Variants in PGGT1B observed in about 807,000 individuals in gnomAD.
The protein encoded by PGGT1B is geranylgeranyl transferase type-1 subunit beta.
Under a neutral mutation model 46.1 loss-of-function variants are expected in PGGT1B, and 30 were observed. That is an observed-to-expected ratio of 0.65 (90% CI 0.49 to 0.88). The LOEUF is 0.88. Ranked by LOEUF, PGGT1B falls within the 40% of genes least tolerant of loss-of-function variation. The pLI, the probability that PGGT1B is intolerant of heterozygous loss-of-function variation, is 0.00. For missense variants in PGGT1B, 376 were observed against 455.9 expected (o/e 0.82, Z 1.60); for synonymous variants, 170 against 160.0 (o/e 1.06, Z -0.47).
Position 115,220,440 on chromosome 5 carries a change from C to T in PGGT1B, c.843+1384G>A, listed in dbSNP as rs528354075. 7.2e-5 allele frequency among the ~76,000 whole-genome samples: 11 copies of T among 151,782 alleles called. No individual in the cohort carries two copies. The South Asian group carries it at 2.3e-3, about 32-fold the overall frequency. ...AGAGAGCAGAGGAGAGGTTACCAGG[C>T]TGAGGGGAAAGAAGAATAGGGAATT... On this transcript the variant is annotated intron_variant, in intron 7 of 8. Coordinates refer to ENST00000419445, the MANE Select transcript of PGGT1B (RefSeq NM_005023.4).
chr5:115,213,269 T>C (rs935473957), intron 8 of PGGT1B, among the ~76,000 whole-genome samples: 2 of 152,210 alleles, frequency 1.3e-5, no homozygotes, highest in South Asian at 4.1e-4. Flanking sequence ...ACTGGCTCAC[T>C]AGTTTCCCAT....
In PGGT1B at chr5:115,239,020, C is replaced by T. The variant is rs375028213; in HGVS notation, c.328-1011G>A. On this transcript the variant is annotated intron_variant, in intron 3 of 8. Transcript: ENST00000419445. ...CCCTTTTTATAATAATCTGAACCCA[C>T]CCCACCTACCCACCTTTAGATACAC... 5.9e-5 allele frequency among the ~76,000 whole-genome samples: 9 copies of T among 152,126 alleles called. No individual in the cohort carries two copies. The East Asian group carries it at 7.7e-4, about 13-fold the overall frequency.
intron 3 of PGGT1B, among the ~76,000 whole-genome samples, chr5:115,239,531 CTA>C (rs1224393274): frequency 6.6e-6 from 1 of 152,168 alleles, no homozygotes; most frequent in African/African-American, 2.4e-5. Flanking sequence ...TAAATACCTG[CTA>C]TGTTAAAACA....
chr5:115,239,527 C>A (rs1375541214), intron 3 of PGGT1B, among the ~76,000 whole-genome samples: 3 of 152,112 alleles, frequency 2.0e-5, no homozygotes, highest in African/African-American at 7.2e-5. Flanking sequence ...AAAGTAAATA[C>A]CTGCTATGTT....
intron 7 of PGGT1B, among the ~76,000 whole-genome samples, chr5:115,217,251 G>A (rs1029032467): frequency 6.6e-6 from 1 of 151,606 alleles, no homozygotes; most frequent in African/African-American, 2.4e-5. Context: ...AAGACAACTC[G>A]AATCCACTCA....
At chr5:115,243,545 T>C (rs1351064401) in intron 2 of PGGT1B, among the ~76,000 whole-genome samples, 1 of 152,214 alleles carries the variant, frequency 6.6e-6, no homozygotes, top group Non-Finnish European at 1.5e-5. Flanking sequence ...TGTGAGATGA[T>C]ATGAATAAGG....
chr5:115,223,513 C>T (rs1756653436), intron 6 of PGGT1B, among the ~76,000 whole-genome samples: 2 of 152,110 alleles, frequency 1.3e-5, no homozygotes, highest in African/African-American at 2.4e-5. Flanking sequence ...CCAGCAGCCA[C>T]TAGAAGCTGG....
chr5:115,222,830 A>C (rs1756627482), intron 6 of PGGT1B, among the ~76,000 whole-genome samples: 2 of 152,214 alleles, frequency 1.3e-5, no homozygotes, highest in South Asian at 2.1e-4. Context: ...GACACGGATG[A>C]AGCTGGAAAC....
Position 115,230,979 on chromosome 5 carries a change from G to T in PGGT1B, c.655C>A (p.His219Asn). 1.3e-6 allele frequency: 2 copies of T among 1,571,294 alleles called. No individual in the cohort carries two copies. Among genetic ancestry groups the T allele is most frequent in the Non-Finnish European group, 1.7e-6 (2 of 1,148,184 alleles). ...GLAQGAGLES[H>N]GGSTFCGIAS... ...TCACTTATTTAAGATGTCTTACCATGAGATTCAAGTCCAGCTCCCTGTGCC... is the reference window on the plus strand; with the variant it reads ...TCACTTATTTAAGATGTCTTACCATTAGATTCAAGTCCAGCTCCCTGTGCC... The change falls in exon 6 of 9, where the codon CAT (histidine) becomes AAT (asparagine). Residue 219 changes from histidine to asparagine, a missense_variant. Transcript: ENST00000419445.
In PGGT1B at chr5:115,262,806, C is replaced by G; in HGVS notation, c.46G>C (p.Glu16Gln). Residue 16 changes from glutamate to glutamine, a missense_variant, in exon 1 of 9, where the codon GAG becomes CAG. This residue lies in a region of PGGT1B where 154 missense variants were observed against 142.3 expected (regional missense o/e 1.08). Transcript: ENST00000419445. ...DERLAGSGEGERLDFLRDRHV... is the reference protein window; with the variant it reads ...DERLAGSGEGQRLDFLRDRHV... The stretch of plus-strand genomic sequence containing the variant: ...CGATCCCGTAAGAAATCCAGCCGCT[C>G]TCCCTCACCGCTCCCTGCTAGCCTC... 1.2e-6 allele frequency: 2 copies of G among 1,612,900 alleles called. No individual in the cohort carries two copies. The highest frequency in any genetic ancestry group is 1.7e-6 in the Non-Finnish European group (2 of 1,179,928).
At chr5:115,257,530 C>CA (rs1169870044) in intron 1 of PGGT1B, among the ~76,000 whole-genome samples, 41,413 of 72,370 alleles carry the variant, frequency 0.57, 10,057 homozygotes, top group Non-Finnish European at 0.58. Context: ...AACTCCATCT[C>CA]AAAAAAAAAA....
intron 1 of PGGT1B, among the ~76,000 whole-genome samples, chr5:115,258,547 A>AT (rs1748421520): frequency 6.6e-6 from 1 of 152,138 alleles, no homozygotes; most frequent in Admixed American, 6.5e-5. Context: ...ATCCCTTTAC[A>AT]TTTTGAACCA....
intron 2 of PGGT1B, among the ~76,000 whole-genome samples, chr5:115,244,370 C>G (rs1480937932): frequency 7.3e-6 from 1 of 137,090 alleles, no homozygotes; most frequent in Non-Finnish European, 1.5e-5. Context: ...GAGGCTGAGG[C>G]AGGAAAATGG....
intron 6 of PGGT1B, among the ~76,000 whole-genome samples, chr5:115,222,999 A>G (rs1159462067): frequency 1.3e-5 from 2 of 152,222 alleles, no homozygotes; most frequent in African/African-American, 4.8e-5. Flanking sequence ...GGATAGCATT[A>G]GGAGAAATAC....
At chr5:115,262,606 G>T in intron 1 of PGGT1B, 106 bp downstream of exon 1, 3 of 1,287,702 alleles carry the variant, frequency 2.3e-6, no homozygotes, top group Non-Finnish European at 3.2e-6. Flanking sequence ...CCAACTGGGC[G>T]GCCGCGCAGC....
Position 115,208,386 on chromosome 5 carries a change from C to T in PGGT1B, c.*4016G>A, listed in dbSNP as rs1580736248. 6.6e-6 allele frequency: 1 copy of T among 151,794 alleles called. No individual in the cohort carries two copies. The allele number at this position is 151,794 out of a possible 1,614,324, so 9.4% of individuals were successfully genotyped here. A position where few individuals can be genotyped will look rare whatever the true frequency, so the allele number is the denominator to read the frequency against. On this transcript the variant is annotated 3_prime_UTR_variant, in exon 9 of 9. Coordinates refer to ENST00000419445, the MANE Select transcript of PGGT1B (RefSeq NM_005023.4). ...CCCTTGAAACAATCTGGGCTTGATG[C>T]TTCTTTTGGTAAGGGGTACTTTTAA...
chr5:115,260,963 T>C (rs952352830), intron 1 of PGGT1B, among the ~76,000 whole-genome samples: 7 of 152,220 alleles, frequency 4.6e-5, no homozygotes, highest in African/African-American at 1.4e-4. Flanking sequence ...CACAGACTTA[T>C]AGTGATAGCT....
chr5:115,216,679 T>A (rs1756429224), intron 8 of PGGT1B, among the ~76,000 whole-genome samples, 186 bp downstream of exon 8: 1 of 152,196 alleles, frequency 6.6e-6, no homozygotes, highest in Non-Finnish European at 1.5e-5. Flanking sequence ...GATAATAAAC[T>A]CTTTCATTTA....
chr5:115,262,786 C>G lies in PGGT1B; in HGVS notation c.66G>C (p.Arg22=), dbSNP rs1447139928. ...SGEGERLDFL[R]DRHVRFFQRC... ...GCTGGAAAAATCGCACGTGCCGATC[C>G]CGTAAGAAATCCAGCCGCTCTCCCT... The change falls in exon 1 of 9, where the codon CGG becomes CGC. Residue 22 remains arginine (R), a synonymous_variant. Transcript: ENST00000419445. 1 of 1,613,438 alleles carries G rather than the reference C, an allele frequency of 6.2e-7. No individual in the cohort carries two copies. The highest frequency in any genetic ancestry group is 2.2e-5 in the East Asian group (1 of 44,860).
Sources: gnomAD v4.1 joint callset for allele counts (sites outside exome capture counted in the v4.1 genomes callset) on GRCh38, gnomAD v4.1.1 for gene constraint, gnomAD v4.1.1 regional missense constraint, MANE v1.5 for transcripts, NCBI Gene and HGNC (gene_info 2026-07-23, HGNC 2026-07-21) for gene names.